GATAD2B: variants seen among roughly 807,000 people sequenced by gnomAD.
GATAD2B encodes the protein transcriptional repressor p66-beta.
In GATAD2B, 8 loss-of-function variants were observed where a neutral mutation model predicts 64.3. The ratio of observed to expected loss-of-function variants is 0.12; its 90% CI spans 0.07 to 0.22. The LOEUF (loss-of-function observed/expected upper bound fraction) is 0.22, where lower values mean the gene tolerates loss of function less well. GATAD2B is among the 10% of genes least tolerant of loss of function. GATAD2B has a pLI of 1.00. For missense variants in GATAD2B, 453 were observed against 752.0 expected, an observed-to-expected ratio of 0.60 and a Z score of 4.65; for synonymous variants, 281 against 271.3, an observed-to-expected ratio of 1.04 and a Z score of -0.35.
chr1:153,835,856 G>A (rs938899131), intron 1 of GATAD2B, among the ~76,000 whole-genome samples: 1 of 151,870 alleles, frequency 6.6e-6, no homozygotes, highest in African/African-American at 2.4e-5. Context: ...CTGAGTAGCT[G>A]GGATTACAGG....
chr1:153,878,985 C>T (rs1676924045), intron 1 of GATAD2B, among the ~76,000 whole-genome samples: 1 of 151,596 alleles, frequency 6.6e-6, no homozygotes, highest in South Asian at 2.1e-4. Context: ...GTCGCCCAGG[C>T]TGAAAGTGCA....
chr1:153,866,521 T>C (rs1170435513), intron 1 of GATAD2B, among the ~76,000 whole-genome samples: 1 of 152,184 alleles, frequency 6.6e-6, no homozygotes, highest in African/African-American at 2.4e-5. Context: ...ATCTCCAACC[T>C]GCCCTAATGC....
chr1:153,817,301 T>C (rs1674509739), intron 6 of GATAD2B, 71 bp downstream of exon 6: 1 of 1,399,606 alleles, frequency 7.1e-7, no homozygotes, highest in Non-Finnish European at 9.6e-7. Flanking sequence ...TTAAAACCTA[T>C]GGCCCTTTCG....
At chr1:153,914,495 G>A (rs1164893179) in intron 1 of GATAD2B, among the ~76,000 whole-genome samples, 7 of 152,156 alleles carry the variant, frequency 4.6e-5, no homozygotes, top group Non-Finnish European at 7.3e-5. Context: ...TCCAACCCTT[G>A]TTCTGTTCCC....
intron 1 of GATAD2B, among the ~76,000 whole-genome samples, chr1:153,832,215 CAAA>C (rs34162294): frequency 0.043 from 6,381 of 146,708 alleles, 206 homozygotes; most frequent in Non-Finnish European, 0.064. Flanking sequence ...GACTCCATCT[CAAA>C]AAAAAAAAAG....
rs1424101549 is a variant in GATAD2B, at chr1:153,922,795, AAAGG to A, written c.-68_-65del. Reference sequence around the variant, plus strand: ...CTCAGGCGGCGGCGGAGGCGTCGAAAAAGGAAGAGGCGACGGCACAGGGGATCCA... The same window carrying A: ...CTCAGGCGGCGGCGGAGGCGTCGAAAAAGAGGCGACGGCACAGGGGATCCA... On this transcript the variant is annotated 5_prime_UTR_variant, in exon 1 of 11. Coordinates refer to ENST00000368655, the MANE Select transcript of GATAD2B (RefSeq NM_020699.4). 6 of 149,960 alleles carry A rather than the reference AAAGG, an allele frequency of 4.0e-5. No individual in the cohort carries two copies. The highest frequency in any genetic ancestry group is 8.8e-5 in the Non-Finnish European group (6 of 67,858). The allele number at this position is 149,960 out of a possible 1,614,324, so 9.3% of individuals were successfully genotyped here. A position where few individuals can be genotyped will look rare whatever the true frequency, so the allele number is the denominator to read the frequency against.
At position 153,813,706 on chromosome 1, in the gene GATAD2B, G is replaced by A. The variant is rs6668066; in HGVS notation, c.1217-254C>T. Among the ~76,000 whole-genome samples, 62,295 of 152,044 alleles carry A rather than the reference G, an allele frequency of 0.41. 13,888 individuals carry two copies. Among genetic ancestry groups the A allele is most frequent in the Non-Finnish European group, 0.52 (35,112 of 67,960 alleles). ...AGAAATGTAGCTTCTGGCTGGGTGC[G>A]GTGGCTCACCCCTACAGTCCCAGCA... On this transcript the variant is annotated intron_variant, in intron 7 of 10. Coordinates refer to ENST00000368655, the MANE Select transcript of GATAD2B (RefSeq NM_020699.4).
intron 1 of GATAD2B, among the ~76,000 whole-genome samples, chr1:153,917,087 T>C (rs1285008616): frequency 6.7e-6 from 1 of 150,200 alleles, no homozygotes; most frequent in Non-Finnish European, 1.5e-5. Flanking sequence ...AATACAGGTG[T>C]GAGCCCCCGC....
intron 1 of GATAD2B, among the ~76,000 whole-genome samples, chr1:153,861,882 A>G (rs183860261): frequency 2.8e-3 from 412 of 147,928 alleles, no homozygotes; most frequent in Non-Finnish European, 4.9e-3. Flanking sequence ...ATGTGTATAT[A>G]TATATATGCA....
intron 1 of GATAD2B, among the ~76,000 whole-genome samples, chr1:153,858,062 G>T (rs1676153432): frequency 6.6e-6 from 1 of 152,164 alleles, no homozygotes; most frequent in African/African-American, 2.4e-5. Context: ...TAACAAGAAT[G>T]TTAAAATGTG....
chr1:153,826,071 G>T (rs565589988), intron 2 of GATAD2B, among the ~76,000 whole-genome samples: 47 of 151,288 alleles, frequency 3.1e-4, no homozygotes, highest in African/African-American at 1.1e-3. Flanking sequence ...TGGAGCAATC[G>T]CGGCTCACTG....
In GATAD2B at chr1:153,828,352, T is replaced by A; in HGVS notation, c.-1-4A>T. On this transcript the variant is annotated splice_region_variant and splice_polypyrimidine_tract_variant and intron_variant, in intron 1 of 10. Transcript: ENST00000368655. ...ATCTTCTGTCATTCTATCCATCCTA[T>A]GGAAAGAAAAATACAAGTAAGATCA... 1 of 1,602,380 alleles carries A rather than the reference T, an allele frequency of 6.2e-7. No homozygotes were observed. Among genetic ancestry groups the A allele is most frequent in the Non-Finnish European group, 8.5e-7 (1 of 1,177,208 alleles).
At chr1:153,850,339 G>A (rs1329971241) in intron 1 of GATAD2B, among the ~76,000 whole-genome samples, 1 of 151,918 alleles carries the variant, frequency 6.6e-6, no homozygotes, top group African/African-American at 2.4e-5. Flanking sequence ...TCACTCTGTT[G>A]CCCAGGCTGC....
chr1:153,812,196 T>TC (rs2101875443), intron 8 of GATAD2B, 64 bp from the exon 9 acceptor site: 1 of 881,774 alleles, frequency 1.1e-6, no homozygotes, highest in Non-Finnish European at 1.8e-6. Context: ...TTTCCTTTTT[T>TC]TTTTTTTTTT....
intron 1 of GATAD2B, among the ~76,000 whole-genome samples, chr1:153,845,537 G>A (rs11803218): frequency 1.3e-5 from 2 of 151,914 alleles, no homozygotes; most frequent in Non-Finnish European, 1.5e-5. Flanking sequence ...CATGAGCTCA[G>A]GAGTTCAAGA....
chr1:153,879,485 C>T (rs930006125), intron 1 of GATAD2B, among the ~76,000 whole-genome samples: 1 of 151,908 alleles, frequency 6.6e-6, no homozygotes, highest in African/African-American at 2.4e-5. Flanking sequence ...GACATCAGGC[C>T]GGGTGCAGTG....
intron 1 of GATAD2B, among the ~76,000 whole-genome samples, chr1:153,906,045 G>A (rs1242283579): frequency 1.4e-5 from 2 of 139,600 alleles, no homozygotes; most frequent in African/African-American, 5.3e-5. Context: ...CCAGCCTGGT[G>A]ACAGAGGGAG....
chr1:153,848,910 G>A (rs1022208811), intron 1 of GATAD2B, among the ~76,000 whole-genome samples: 5 of 151,948 alleles, frequency 3.3e-5, no homozygotes, highest in African/African-American at 4.8e-5. Flanking sequence ...CCAATATCGC[G>A]CCACTGCACT....
At chr1:153,917,366 G>C (rs903314521) in intron 1 of GATAD2B, among the ~76,000 whole-genome samples, 10 of 148,688 alleles carry the variant, frequency 6.7e-5, no homozygotes, top group Admixed American at 4.7e-4. Context: ...AAAGTGCTGG[G>C]ATTTCAGGTG....
Sources: allele counts gnomAD v4.1 joint callset (sites outside exome capture counted in the v4.1 genomes callset), GRCh38; gene constraint gnomAD v4.1.1; transcripts MANE v1.5; gene names NCBI Gene and HGNC (gene_info 2026-07-23, HGNC 2026-07-21).